GRM5: variants seen among roughly 807,000 people sequenced by gnomAD.
GRM5 encodes metabotropic glutamate receptor 5.
In GRM5, 19 loss-of-function variants were observed where a neutral mutation model predicts 83.1. The observed-to-expected ratio is 0.23, with a 90% CI of 0.16 to 0.34. The LOEUF (loss-of-function observed/expected upper bound fraction) is 0.34. Among genes scored for constraint, GRM5 ranks in the 10% least tolerant of loss-of-function variants. The pLI is 1.00. For missense variants in GRM5, 1,160 were observed against 1,588.3 expected (o/e 0.73, Z 4.58); for synonymous variants, 675 against 633.6 (o/e 1.07, Z -0.98).
At chr11:88,648,785 A>C (rs1939540313) in intron 4 of GRM5, among the ~76,000 whole-genome samples, 1 of 151,870 alleles carries the variant, frequency 6.6e-6, no homozygotes, top group African/African-American at 2.4e-5. Flanking sequence ...TATAGGCCAA[A>C]TTTTCTTTCT....
chr11:88,751,208 G>A (rs942340922), intron 3 of GRM5, among the ~76,000 whole-genome samples: 2 of 151,082 alleles, frequency 1.3e-5, no homozygotes, highest in African/African-American at 4.9e-5. Context: ...CAGACCACTA[G>A]CTAGATTAAA....
chr11:88,796,888 A>C (rs1943285209), intron 3 of GRM5, among the ~76,000 whole-genome samples: 1 of 114,178 alleles, frequency 8.8e-6, no homozygotes, highest in Non-Finnish European at 1.9e-5. Flanking sequence ...AGGAAAGTAC[A>C]CACACACACA....
chr11:88,604,613 C>T (rs1938090657), intron 5 of GRM5, 105 bp downstream of exon 5: 1 of 933,124 alleles, frequency 1.1e-6, no homozygotes, highest in Non-Finnish European at 1.6e-6. Flanking sequence ...GGAAACATTA[C>T]CAGGAAACCT....
At chr11:88,923,538 C>T (rs1945729926) in intron 2 of GRM5, among the ~76,000 whole-genome samples, 1 of 151,600 alleles carries the variant, frequency 6.6e-6, no homozygotes, top group Non-Finnish European at 1.5e-5. Context: ...TGATGGTTAC[C>T]AGAAGCTGGG....
chr11:88,981,100 G>A (rs1939505777), intron 2 of GRM5, among the ~76,000 whole-genome samples: 1 of 151,952 alleles, frequency 6.6e-6, no homozygotes, highest in Admixed American at 6.6e-5. Context: ...TGTTAATCTA[G>A]GCATACAAGG....
chr11:88,651,018 G>C (rs1018373031), intron 4 of GRM5, among the ~76,000 whole-genome samples: 2 of 151,986 alleles, frequency 1.3e-5, no homozygotes, highest in East Asian at 1.9e-4. Context: ...ATTCCAAGGG[G>C]GGGGATGGAC....
At chr11:88,974,241 T>C (rs1381790802) in intron 2 of GRM5, among the ~76,000 whole-genome samples, 2 of 152,120 alleles carry the variant, frequency 1.3e-5, no homozygotes, top group African/African-American at 2.4e-5. Flanking sequence ...GCCAGAACTA[T>C]ACCCAACTGT....
intron 2 of GRM5, among the ~76,000 whole-genome samples, chr11:88,925,308 G>A (rs1945768322): frequency 1.5e-5 from 2 of 134,448 alleles, no homozygotes; most frequent in Admixed American, 8.1e-5. Context: ...CAGAGATACT[G>A]ACTACTTTTT....
chr11:88,621,295 G>A (rs1938627669), intron 4 of GRM5, among the ~76,000 whole-genome samples: 1 of 152,136 alleles, frequency 6.6e-6, no homozygotes, highest in Non-Finnish European at 1.5e-5. Context: ...TTTTAACTGT[G>A]TTTTATAATG....
intron 2 of GRM5, among the ~76,000 whole-genome samples, chr11:88,908,074 T>C (rs1186157917): frequency 3.9e-4 from 59 of 152,080 alleles, no homozygotes; most frequent in African/African-American, 1.4e-3. Flanking sequence ...AAATATTGAC[T>C]ATGGTTATTA....
At chr11:88,716,263 A>C (rs1016946330) in intron 3 of GRM5, among the ~76,000 whole-genome samples, 16 of 152,010 alleles carry the variant, frequency 1.1e-4, no homozygotes, top group African/African-American at 3.6e-4. Context: ...TGAAAAGTAC[A>C]AAAGAGTAGG....
At chr11:88,955,984 A>G (rs1472358624) in intron 2 of GRM5, among the ~76,000 whole-genome samples, 1 of 152,186 alleles carries the variant, frequency 6.6e-6, no homozygotes, top group Non-Finnish European at 1.5e-5. Flanking sequence ...GTTACAAATT[A>G]TTTTTTTAAA....
At chr11:88,979,216 A>G (rs1939443142) in intron 2 of GRM5, among the ~76,000 whole-genome samples, 1 of 152,208 alleles carries the variant, frequency 6.6e-6, no homozygotes, top group South Asian at 2.1e-4. Flanking sequence ...ATCCTGAGAA[A>G]AACCAGTCTT....
chr11:89,044,803 T>A (rs2135147078), intron 2 of GRM5, among the ~76,000 whole-genome samples: 1 of 151,940 alleles, frequency 6.6e-6, no homozygotes, highest in East Asian at 1.9e-4. Flanking sequence ...GACACTATCA[T>A]TTCATGGAAG....
At chr11:88,793,644 T>C (rs553334435) in intron 3 of GRM5, among the ~76,000 whole-genome samples, 1 of 152,216 alleles carries the variant, frequency 6.6e-6, no homozygotes, top group Non-Finnish European at 1.5e-5. Context: ...GTAAAGCTTA[T>C]ATTTTATGAT....
At chr11:88,613,563 G>T (rs1447367698) in intron 4 of GRM5, among the ~76,000 whole-genome samples, 2 of 152,060 alleles carry the variant, frequency 1.3e-5, no homozygotes, top group Non-Finnish European at 2.9e-5. Flanking sequence ...TTTAGTTTTA[G>T]ACTGTGGGTG....
chr11:88,876,500 T>A (rs1238432956), intron 2 of GRM5, among the ~76,000 whole-genome samples: 2 of 152,118 alleles, frequency 1.3e-5, no homozygotes, highest in African/African-American at 4.8e-5. Context: ...TCTTCAAAAA[T>A]TTTTTATTTG....
At chr11:88,594,671 T>C (rs1299786519) in intron 6 of GRM5, among the ~76,000 whole-genome samples, 1 of 152,220 alleles carries the variant, frequency 6.6e-6, no homozygotes, top group East Asian at 1.9e-4. Flanking sequence ...ATCTTTCTTC[T>C]TTCTGGTCTT....
intron 4 of GRM5, among the ~76,000 whole-genome samples, chr11:88,647,246 A>G (rs944799990): frequency 4.6e-5 from 7 of 152,036 alleles, no homozygotes; most frequent in Non-Finnish European, 7.4e-5. Flanking sequence ...CAATGAGCCT[A>G]TTTCTAAAGA....
Sources: gnomAD v4.1 joint callset for allele counts (sites outside exome capture counted in the v4.1 genomes callset) on GRCh38, gnomAD v4.1.1 for gene constraint, MANE v1.5 for transcripts, NCBI Gene and HGNC (gene_info 2026-07-23, HGNC 2026-07-21) for gene names.